The following PCM1 variants were observed in gnomAD, a reference collection of about 807,000 sequenced individuals.
The protein encoded by PCM1 is pericentriolar material 1.
A neutral mutation model predicts 241.9 loss-of-function variants in PCM1; 157 were observed. The observed-to-expected ratio is 0.65, with a 90% CI of 0.57 to 0.74. The LOEUF (loss-of-function observed/expected upper bound fraction) is 0.74, where lower values mean the gene tolerates loss of function less well. Among genes scored for constraint, PCM1 ranks in the 30% least tolerant of loss-of-function variants. PCM1 has a pLI of 0.00. For synonymous variants in PCM1, 1,085 were observed against 784.9 expected (o/e 1.38, Z -6.39); for missense variants, 3,478 against 2,360.1 (o/e 1.47, Z -9.81).
chr8:17,937,636 A>C (rs1036839919), intron 4 of PCM1, among the ~76,000 whole-genome samples: 69 of 152,194 alleles, frequency 4.5e-4, no homozygotes, highest in Non-Finnish European at 1.9e-4. Flanking sequence ...AAGTGATTTT[A>C]CTATACAACT....
At chr8:17,984,522 T>G (rs1447376697) in intron 24 of PCM1, among the ~76,000 whole-genome samples, 1 of 151,926 alleles carries the variant, frequency 6.6e-6, no homozygotes, top group Non-Finnish European at 1.5e-5. Flanking sequence ...ATATCTTATA[T>G]TAGTAATGTT....
At chr8:17,959,575 C>CTCTAGAACAGTTAGTTT (rs61078034) in intron 13 of PCM1, among the ~76,000 whole-genome samples, 4 of 151,628 alleles carry the variant, frequency 2.6e-5, no homozygotes, top group Non-Finnish European at 4.4e-5. Flanking sequence ...CTTAATTGGT[C>CTCTAGAACAGTTAGTTT]TCTAGAGAGC....
In PCM1 at chr8:17,935,664, A is replaced by C. The variant is rs181490248; in HGVS notation, c.54A>C (p.Pro18=). ...ATGGCATGAATGATCAGGATTTACCAAACTGGAGTAATGAGAATGTTGATG... is the reference window on the plus strand; with the variant it reads ...ATGGCATGAATGATCAGGATTTACCCAACTGGAGTAATGAGAATGTTGATG... ...FEDGMNDQDL[P]NWSNENVDDR... The change falls in exon 3 of 39, where the codon CCA becomes CCC. Residue 18 remains proline (P), a synonymous_variant. Transcript: ENST00000325083. 155 of 1,554,598 alleles carry C rather than the reference A, an allele frequency of 1.0e-4. 2 individuals are homozygous for C. In the East Asian group the frequency reaches 3.4e-3, roughly 34 times the overall value.
At chr8:17,949,026 G>C (rs1050478114) in intron 7 of PCM1, among the ~76,000 whole-genome samples, 1 of 152,136 alleles carries the variant, frequency 6.6e-6, no homozygotes, top group Non-Finnish European at 1.5e-5. Flanking sequence ...TGAATTGTAG[G>C]TCAGGGGTCT....
Position 18,007,113 on chromosome 8 carries a change from T to C in PCM1, c.4962+716T>C, listed in dbSNP as rs186435538. On this transcript the variant is annotated intron_variant, in intron 30 of 38. Transcript: ENST00000325083. ...CCTTGTTTATTCCATATGACAAACA[T>C]CTTTACCTTTATATTTACCTGAATG... 3.5e-4 allele frequency among the ~76,000 whole-genome samples: 54 copies of C among 152,334 alleles called. No homozygotes were observed. The East Asian group carries it at 6.7e-3, about 19-fold the overall frequency.
chr8:17,980,815 TATA>T lies in PCM1; in HGVS notation c.4108+65_4108+67del, dbSNP rs146487146. 2,815 of 1,337,212 alleles carry T rather than the reference TATA, an allele frequency of 2.1e-3. 43 individuals are homozygous for T. In the African/African-American group the frequency reaches 0.033, roughly 16 times the overall value. The allele number at this position is 1,337,212 out of a possible 1,614,324, so 82.8% of individuals were successfully genotyped here. A position where few individuals can be genotyped will look rare whatever the true frequency, so the allele number is the denominator to read the frequency against. ...GGTTTTCAGCTTAGATTTGAAAAGC[TATA>T]ATAAAGCAGGTGTTAAAATTGGTGT... On this transcript the variant is annotated intron_variant, in intron 24 of 38. Coordinates refer to ENST00000325083, the MANE Select transcript of PCM1 (RefSeq NM_006197.4).
chr8:17,961,764 C>T (rs1268063177), intron 15 of PCM1, among the ~76,000 whole-genome samples: 5 of 152,104 alleles, frequency 3.3e-5, no homozygotes, highest in Non-Finnish European at 5.9e-5. Flanking sequence ...AAATATGTTG[C>T]AAAGGTGGGT....
At chr8:18,017,368 A>C (rs1200723345) in intron 36 of PCM1, among the ~76,000 whole-genome samples, 1 of 152,246 alleles carries the variant, frequency 6.6e-6, no homozygotes, top group Non-Finnish European at 1.5e-5. Flanking sequence ...TTGATTAAAA[A>C]ACACAAGATT....
chr8:17,984,462 A>G (rs1397916667), intron 24 of PCM1, among the ~76,000 whole-genome samples: 1 of 151,932 alleles, frequency 6.6e-6, no homozygotes, highest in Admixed American at 6.6e-5. Context: ...GAGGCAAAAT[A>G]GGGAAGTTGC....
intron 17 of PCM1, 51 bp from the exon 18 acceptor site, chr8:17,964,517 T>G (rs2074040665): frequency 7.3e-7 from 1 of 1,378,980 alleles, no homozygotes; most frequent in Non-Finnish European, 1.0e-6. Context: ...GGTGGCAGAG[T>G]ATTTAACTTA....
chr8:18,006,043 A>G (rs970236978), intron 29 of PCM1: 13 of 424,566 alleles, frequency 3.1e-5, no homozygotes, highest in Admixed American at 3.9e-5. Context: ...ACTGGCCATC[A>G]TCTGCTTTCG....
rs1216426198 is a variant in PCM1 at position 17,969,671 on chromosome 8, T to A, written c.3507T>A (p.Asn1169Lys). Residue 1169 changes from asparagine (N) to lysine (K), a missense_variant, in exon 22 of 39, where the codon AAT (asparagine) becomes AAA (lysine). By Grantham distance (94) the Asn-to-Lys change is moderately conservative. Transcript: ENST00000325083. ...AACAGCAGCAACCCTTAGCCCAGAATTCTTCAGGAAAAACAGAATATATGG... is the reference window on the plus strand; with the variant it reads ...AACAGCAGCAACCCTTAGCCCAGAAATCTTCAGGAAAAACAGAATATATGG... Reference protein sequence around the residue: ...PSEQQQPLAQNSSGKTEYMAF... With the variant: ...PSEQQQPLAQKSSGKTEYMAF... 6.8e-6 allele frequency: 11 copies of A among 1,613,040 alleles called. No homozygotes were observed. The highest frequency in any genetic ancestry group is 2.2e-5 in the East Asian group (1 of 44,838).
At chr8:17,968,509 G>C (rs112915354) in intron 21 of PCM1, among the ~76,000 whole-genome samples, 1 of 152,074 alleles carries the variant, frequency 6.6e-6, no homozygotes, top group Non-Finnish European at 1.5e-5. Flanking sequence ...GTAACTGAAA[G>C]ACATTATAGT....
At chr8:17,989,487 G>T (rs1237848858) in intron 26 of PCM1, among the ~76,000 whole-genome samples, 12 of 152,002 alleles carry the variant, frequency 7.9e-5, no homozygotes, top group Non-Finnish European at 1.5e-5. Context: ...TTTCTGATGT[G>T]AGACAACCAG....
At chr8:17,977,573 A>G (rs920298366) in intron 23 of PCM1, among the ~76,000 whole-genome samples, 4 of 152,152 alleles carry the variant, frequency 2.6e-5, no homozygotes, top group African/African-American at 9.7e-5. Flanking sequence ...GGAGAAAGCT[A>G]TGTTGGAGGA....
Position 18,006,301 on chromosome 8 carries a change from T to C in PCM1, c.4866T>C (p.Thr1622=), listed in dbSNP as rs769107162. ...MDEVCSSQLL[T]SVRRMVLTLT... ...AAGTATGCTCCTCGCAGCTTCTAAC[T>C]TCAGTAAGGCGCATGGTTTTGACCC... The change falls in exon 30 of 39, where the codon ACT becomes ACC. Residue 1622 remains threonine, a synonymous_variant. Transcript: ENST00000325083. 4 of 1,612,282 alleles carry C rather than the reference T, an allele frequency of 2.5e-6. No individual in the cohort carries two copies. Among genetic ancestry groups the C allele is most frequent in the East Asian group, 2.2e-5 (1 of 44,854 alleles).
In PCM1 at chr8:18,028,276, G is replaced by A. The variant is rs1258079229; in HGVS notation, c.*614G>A. The stretch of plus-strand genomic sequence containing the variant: ...TTAATCCATTGAAATTGGATAATAA[G>A]TTTAGAACATAGGTTCTCAGTATCT... On this transcript the variant is annotated 3_prime_UTR_variant, in exon 39 of 39. Coordinates refer to ENST00000325083, the MANE Select transcript of PCM1 (RefSeq NM_006197.4). The A allele has an allele frequency of 5.4e-6, 1 of 185,732 alleles. No individual in the cohort carries two copies. Among genetic ancestry groups the A allele is most frequent in the Non-Finnish European group, 1.1e-5 (1 of 88,736 alleles). The allele number at this position is 185,732 out of a possible 1,614,324, so 11.5% of individuals were successfully genotyped here.
intron 13 of PCM1, among the ~76,000 whole-genome samples, chr8:17,958,934 C>G (rs1184481761): frequency 6.6e-6 from 1 of 152,226 alleles, no homozygotes; most frequent in South Asian, 2.1e-4. Flanking sequence ...ATTGGCCAGG[C>G]TGGTCTTGAA....
intron 2 of PCM1, among the ~76,000 whole-genome samples, chr8:17,928,832 G>A (rs1368526326): frequency 2.0e-5 from 3 of 151,572 alleles, no homozygotes; most frequent in African/African-American, 7.3e-5. Context: ...GGGTTTCGCA[G>A]TTTGGAACAG....
Sources: allele counts gnomAD v4.1 joint callset (sites outside exome capture counted in the v4.1 genomes callset), GRCh38; gene constraint gnomAD v4.1.1; transcripts MANE v1.5; gene names NCBI Gene and HGNC (gene_info 2026-07-23, HGNC 2026-07-21).